The following KIAA1671 variants were observed in gnomAD, a reference collection of about 807,000 sequenced individuals.
The protein encoded by KIAA1671 is uncharacterized protein KIAA1671.
A neutral mutation model predicts 131.2 loss-of-function variants in KIAA1671; 52 were observed. The observed-to-expected ratio is 0.40, with a 90% CI of 0.32 to 0.50. The LOEUF (loss-of-function observed/expected upper bound fraction) is 0.50, where lower values mean the gene tolerates loss of function less well. Ranked by LOEUF, KIAA1671 falls within the 20% of genes least tolerant of loss-of-function variation. The pLI is 0.73. For synonymous variants in KIAA1671, 1,003 were observed against 961.6 expected (o/e 1.04, Z -0.80); for missense variants, 2,360 against 2,364.2 (o/e 1.00, Z 0.04).
At chr22:25,010,570 C>G (rs1318545393) in intron 1 of KIAA1671, 1 of 152,104 alleles carries the variant, frequency 6.6e-6, no homozygotes, top group Non-Finnish European at 1.5e-5. Flanking sequence ...TCTTTTAATC[C>G]TCAGATTTGA....
At chr22:25,151,911 G>GTATTTT (rs957171323) in intron 6 of KIAA1671, among the ~76,000 whole-genome samples, 19 of 152,046 alleles carry the variant, frequency 1.2e-4, no homozygotes, top group African/African-American at 4.3e-4. Context: ...GCTAGTTTTT[G>GTATTTT]TATTTTTATT....
chr22:25,093,534 T>C (rs957519622), intron 6 of KIAA1671, among the ~76,000 whole-genome samples: 11 of 152,160 alleles, frequency 7.2e-5, no homozygotes, highest in African/African-American at 2.7e-4. Context: ...GTTCAATTGC[T>C]TGGAGAAGTC....
chr22:25,183,565 G>A (rs1245000185), intron 10 of KIAA1671, among the ~76,000 whole-genome samples: 1 of 149,090 alleles, frequency 6.7e-6, no homozygotes, highest in East Asian at 2.0e-4. Flanking sequence ...CAGTCTCTCT[G>A]TCACCCAGGC....
chr22:25,002,578 G>A (rs1924533646), intron 1 of KIAA1671, among the ~76,000 whole-genome samples: 1 of 152,132 alleles, frequency 6.6e-6, no homozygotes, highest in Non-Finnish European at 1.5e-5. Context: ...CAGAAAAACT[G>A]CAGATGTCCT....
At chr22:25,022,053 C>T (rs1216416081) in intron 1 of KIAA1671, among the ~76,000 whole-genome samples, 2 of 151,938 alleles carry the variant, frequency 1.3e-5, no homozygotes, top group African/African-American at 4.8e-5. Flanking sequence ...GGATTACAGG[C>T]CTGAGCCACC....
rs1352503358 is a variant in KIAA1671, at chr22:25,029,340, C to T, written c.1341C>T (p.Asp447=). 5.8e-6 allele frequency: 9 copies of T among 1,549,290 alleles called. No homozygotes were observed. The highest frequency in any genetic ancestry group is 2.0e-5 in the Admixed American group (1 of 50,762). Residue 447 remains aspartate, a synonymous_variant, in exon 3 of 13, where the codon GAC becomes GAT. Coordinates refer to ENST00000358431, the MANE Select transcript of KIAA1671 (RefSeq NM_001145206.2). The part of the protein sequence containing the change: ...VRKCISLFRE[D]STLALAVGSE... ...AGTGCATCAGCCTGTTTCGGGAGGA[C>T]AGCACCTTGGCCTTGGCAGTGGGGT...
chr22:25,028,271 C>A lies in KIAA1671; in HGVS notation c.272C>A (p.Pro91His). ...TCTCTGCGGCCCAGTTCGACTGGAC[C>A]TTCCCCCTCTGGGGGGCTCTCTGAG... ...VPSLRPSSTG[P>H]SPSGGLSEEP... The change falls in exon 3 of 13, where the codon CCT becomes CAT. Residue 91 changes from proline to histidine, a missense_variant. This residue lies in a region of KIAA1671 where 1,185 missense variants were observed against 1,126.2 expected (regional missense o/e 1.05). Transcript: ENST00000358431. The A allele has an allele frequency of 6.4e-7, 1 of 1,551,516 alleles. No individual in the cohort carries two copies. Among genetic ancestry groups the A allele is most frequent in the Non-Finnish European group, 8.7e-7 (1 of 1,147,004 alleles).
intron 1 of KIAA1671, among the ~76,000 whole-genome samples, chr22:24,964,531 C>G (rs73410608): frequency 0.029 from 4,344 of 152,130 alleles, 198 homozygotes; most frequent in African/African-American, 0.097. Flanking sequence ...AAGTGATTCT[C>G]TCTCCTCAGC....
rs1237551346 is a variant in KIAA1671 at position 25,030,696 on chromosome 22, A to G, written c.1541+1156A>G. Among the ~76,000 whole-genome samples, 8 of 152,400 alleles carry G rather than the reference A, an allele frequency of 5.2e-5. No individual in the cohort carries two copies. In the South Asian group the frequency reaches 1.7e-3, roughly 32 times the overall value. On this transcript the variant is annotated intron_variant, in intron 3 of 12. Transcript: ENST00000358431. ...TGATATTCTAAGTCGGTTGGTTAAT[A>G]ATGATATTCTAAACTTGGCCCACTT...
chr22:24,982,610 T>C (rs988417371), intron 1 of KIAA1671, among the ~76,000 whole-genome samples: 1 of 152,174 alleles, frequency 6.6e-6, no homozygotes, highest in African/African-American at 2.4e-5. Context: ...TCACTGGCAT[T>C]TGCCCTGTGG....
rs79085229 is a variant in KIAA1671 at position 25,089,780 on chromosome 22, G to T, written c.4530+40416G>T. 7.5e-3 allele frequency among the ~76,000 whole-genome samples: 1,145 copies of T among 152,212 alleles called. 16 individuals are homozygous for T. The highest frequency in any genetic ancestry group is 0.026 in the African/African-American group (1,098 of 41,516). ...AGACATGTCGGTCATTTCCAGTTGC[G>T]TGCACTATAAACAATTCTGCAGTGA... On this transcript the variant is annotated intron_variant, in intron 6 of 12. Coordinates refer to ENST00000358431, the MANE Select transcript of KIAA1671 (RefSeq NM_001145206.2).
intron 7 of KIAA1671, 78 bp downstream of exon 7, chr22:25,171,016 T>G (rs1194193212): frequency 2.7e-6 from 3 of 1,121,044 alleles, no homozygotes; most frequent in Non-Finnish European, 4.0e-6. Flanking sequence ...CACCTCCTGA[T>G]TTCTATATTG....
At chr22:25,090,581 G>A (rs575583760) in intron 6 of KIAA1671, among the ~76,000 whole-genome samples, 3 of 152,362 alleles carry the variant, frequency 2.0e-5, no homozygotes, top group East Asian at 1.9e-4. Flanking sequence ...AGGCCTTGTC[G>A]AGAGAAACAG....
chr22:25,008,424 A>G (rs1465629202), intron 1 of KIAA1671, among the ~76,000 whole-genome samples: 1 of 151,670 alleles, frequency 6.6e-6, no homozygotes, highest in East Asian at 2.0e-4. Flanking sequence ...AATAATATCA[A>G]CCCCAGGAGG....
chr22:25,054,963 T>TTA (rs1247438146), intron 6 of KIAA1671: 1 of 149,390 alleles, frequency 6.7e-6, no homozygotes, highest in African/African-American at 2.4e-5. Context: ...CTGGGGTCCT[T>TTA]TAAACTTGAC....
intron 1 of KIAA1671, among the ~76,000 whole-genome samples, chr22:24,964,948 A>G (rs1181145133): frequency 6.6e-6 from 1 of 152,092 alleles, no homozygotes; most frequent in Non-Finnish European, 1.5e-5. Context: ...TCCTGTTCCC[A>G]CATGTTGATG....
intron 6 of KIAA1671, among the ~76,000 whole-genome samples, chr22:25,157,871 G>C (rs1211228270): frequency 1.3e-5 from 2 of 151,260 alleles, no homozygotes; most frequent in African/African-American, 2.4e-5. Flanking sequence ...GCCCAGGCTG[G>C]AGTGCAGTGG....
chr22:25,075,155 G>A (rs1350714379), intron 6 of KIAA1671, among the ~76,000 whole-genome samples: 1 of 152,130 alleles, frequency 6.6e-6, no homozygotes, highest in East Asian at 1.9e-4. Context: ...CCCCTGCAAG[G>A]GACATTTGGC....
chr22:25,174,218 C>T, intron 7 of KIAA1671, 22 bp from the exon 8 acceptor site: 1 of 1,550,706 alleles, frequency 6.4e-7, no homozygotes, highest in African/African-American at 1.4e-5. Flanking sequence ...ACCATGTCTC[C>T]CTTCATTCCC....
Sources: allele counts gnomAD v4.1 joint callset (sites outside exome capture counted in the v4.1 genomes callset), GRCh38; gene constraint gnomAD v4.1.1; regional missense constraint gnomAD v4.1.1; transcripts MANE v1.5; gene names NCBI Gene and HGNC (gene_info 2026-07-23, HGNC 2026-07-21).